Variants in SPAG1 observed in about 807,000 individuals in gnomAD.
The protein encoded by SPAG1 is sperm associated antigen 1.
A neutral mutation model predicts 100.5 loss-of-function variants in SPAG1; 69 were observed. The observed-to-expected ratio is 0.69, with a 90% CI of 0.57 to 0.84. The LOEUF is 0.84. Ranked by LOEUF, SPAG1 falls within the 40% of genes least tolerant of loss-of-function variation. The pLI is 0.00. For missense variants in SPAG1, 955 were observed against 1,133.1 expected, an observed-to-expected ratio of 0.84 and a Z score of 2.26; for synonymous variants, 336 against 411.6, an observed-to-expected ratio of 0.82 and a Z score of 2.22.
intron 3 of SPAG1, among the ~76,000 whole-genome samples, chr8:100,173,886 A>G (rs1336039045): frequency 6.6e-6 from 1 of 152,218 alleles, no homozygotes; most frequent in Non-Finnish European, 1.5e-5. Context: ...GGCAACAACA[A>G]TGTATATATA....
Position 100,183,076 on chromosome 8 carries a change from C to A in SPAG1, c.427-299C>A, listed in dbSNP as rs149284028. On this transcript the variant is annotated intron_variant, in intron 4 of 18. Transcript: ENST00000388798. Reference sequence around the variant, plus strand: ...GCAACCTCCACCTCCCAGGTTCAAGCAATTCTCATGCTTCAACCTCCAAGT... The same window carrying A: ...GCAACCTCCACCTCCCAGGTTCAAGAAATTCTCATGCTTCAACCTCCAAGT... Among the ~76,000 whole-genome samples the A allele has an allele frequency of 9.4e-4, 143 of 152,230 alleles. 3 individuals carry two copies. The East Asian group carries it at 0.02, about 21-fold the overall frequency.
chr8:100,238,830 CT>C (rs1819124819), intron 16 of SPAG1, among the ~76,000 whole-genome samples: 1 of 152,072 alleles, frequency 6.6e-6, no homozygotes, highest in Non-Finnish European at 1.5e-5. Context: ...TTTTGTTCCC[CT>C]TATGTTAAAG....
intron 4 of SPAG1, among the ~76,000 whole-genome samples, chr8:100,180,808 CT>C (rs1465111295): frequency 6.6e-6 from 1 of 152,166 alleles, no homozygotes; most frequent in African/African-American, 2.4e-5. Flanking sequence ...AGTGCAGGAG[CT>C]TAGTCCAAAT....
At chr8:100,177,664 A>C in intron 3 of SPAG1, 152 bp from the exon 4 acceptor site, 1 of 418,798 alleles carries the variant, frequency 2.4e-6, no homozygotes, top group Non-Finnish European at 4.2e-6. Context: ...CAAATCTCCA[A>C]AAATTTTTCC....
At chr8:100,176,686 A>G (rs1041300009) in intron 3 of SPAG1, among the ~76,000 whole-genome samples, 45 of 152,144 alleles carry the variant, frequency 3.0e-4, no homozygotes, top group African/African-American at 1.0e-3. Context: ...TATTACATCA[A>G]TTTTGCACCC....
Position 100,194,122 on chromosome 8 carries a change from C to A in SPAG1, c.950C>A (p.Ser317Ter). The A allele has an allele frequency of 6.5e-7, 1 of 1,537,500 alleles. No individual in the cohort carries two copies. The highest frequency in any genetic ancestry group is 1.3e-5 in the South Asian group (1 of 79,482). The part of the protein sequence containing the change: ...PDNDLAKKTL[S>*]EVERDLKNSE... ...GTAATTATGTTGCAGAAAACCTTGT[C>A]AGAGGTTGAAAGAGATCTGAAAAAT... is the stretch of plus-strand genomic sequence containing the variant. The change falls in exon 10 of 19, where the codon TCA (serine) becomes TAA (stop). Residue 317 changes from serine to a stop codon, truncating the protein, a stop_gained. Transcript: ENST00000388798. LOFTEE classifies it high-confidence loss of function.
At chr8:100,230,292 A>G (rs978302197) in intron 14 of SPAG1, among the ~76,000 whole-genome samples, 1 of 152,226 alleles carries the variant, frequency 6.6e-6, no homozygotes, top group African/African-American at 2.4e-5. Flanking sequence ...GCCAAGCAAA[A>G]CACTGTGGAT....
At chr8:100,201,878 G>C (rs1160606670) in intron 10 of SPAG1, among the ~76,000 whole-genome samples, 1 of 152,168 alleles carries the variant, frequency 6.6e-6, no homozygotes, top group Non-Finnish European at 1.5e-5. Flanking sequence ...TGTAACCCTT[G>C]CAGTATCCTT....
chr8:100,212,893 A>C (rs1412881965), intron 10 of SPAG1, among the ~76,000 whole-genome samples, 197 bp from the exon 11 acceptor site: 1 of 151,912 alleles, frequency 6.6e-6, no homozygotes. Context: ...AGGAAGCCGC[A>C]GGGGGCCTCG....
intron 16 of SPAG1, among the ~76,000 whole-genome samples, chr8:100,234,310 A>G (rs2132430329): frequency 6.6e-6 from 1 of 152,314 alleles, no homozygotes; most frequent in Non-Finnish European, 1.5e-5. Flanking sequence ...TCTTGTAGCC[A>G]ATATCCCAAT....
intron 3 of SPAG1, among the ~76,000 whole-genome samples, chr8:100,175,286 T>C (rs1465141864): frequency 1.3e-4 from 19 of 141,618 alleles, no homozygotes; most frequent in African/African-American, 4.1e-4. Flanking sequence ...GTGAAGTTCT[T>C]TTTTTTTTTT....
intron 14 of SPAG1, 83 bp from the exon 15 acceptor site, chr8:100,231,073 G>C: frequency 8.0e-7 from 1 of 1,255,102 alleles, no homozygotes; most frequent in South Asian, 2.0e-5. Context: ...ATTTGCAATA[G>C]AAGATTTACT....
chr8:100,223,059 T>C (rs915440046), intron 13 of SPAG1, among the ~76,000 whole-genome samples: 2 of 152,224 alleles, frequency 1.3e-5, no homozygotes, highest in Non-Finnish European at 2.9e-5. Context: ...GCATAATGTC[T>C]TCAGGGTTCA....
chr8:100,165,187 C>T, intron 2 of SPAG1: 1 of 465,000 alleles, frequency 2.2e-6, no homozygotes, highest in Admixed American at 2.6e-5. Context: ...AATATTTATT[C>T]TGAAAGGTAA....
At chr8:100,225,099 T>A (rs1173662632) in intron 13 of SPAG1, 74 bp from the exon 14 acceptor site, 2 of 1,275,636 alleles carry the variant, frequency 1.6e-6, no homozygotes, top group African/African-American at 3.0e-5. Context: ...TTGCAAATTT[T>A]ATTCTTAATC....
intron 9 of SPAG1, among the ~76,000 whole-genome samples, chr8:100,192,753 G>T (rs1816867915): frequency 6.6e-6 from 1 of 152,042 alleles, no homozygotes; most frequent in South Asian, 2.1e-4. Flanking sequence ...TTTGAGACAG[G>T]GCCTTGCTCT....
At chr8:100,202,990 G>C (rs916423933) in intron 10 of SPAG1, among the ~76,000 whole-genome samples, 2 of 152,170 alleles carry the variant, frequency 1.3e-5, no homozygotes, top group African/African-American at 4.8e-5. Context: ...GTTTGTGCTG[G>C]TTAATACTGA....
At chr8:100,175,363 C>A (rs1799504464) in intron 3 of SPAG1, among the ~76,000 whole-genome samples, 1 of 150,240 alleles carries the variant, frequency 6.7e-6, no homozygotes, top group Admixed American at 6.7e-5. Flanking sequence ...TGGCTCACTG[C>A]AAGCTCTGCC....
At chr8:100,219,449 C>G (rs1403208288) in intron 12 of SPAG1, among the ~76,000 whole-genome samples, 1 of 152,146 alleles carries the variant, frequency 6.6e-6, no homozygotes, top group Non-Finnish European at 1.5e-5. Flanking sequence ...TTGTTAAAAC[C>G]AAGAGTACTA....
Sources: gnomAD v4.1 joint callset for allele counts (sites outside exome capture counted in the v4.1 genomes callset) on GRCh38, gnomAD v4.1.1 for gene constraint, MANE v1.5 for transcripts, NCBI Gene and HGNC (gene_info 2026-07-23, HGNC 2026-07-21) for gene names.